PCDH7: variants seen among roughly 807,000 people sequenced by gnomAD.
PCDH7 encodes protocadherin-7.
In PCDH7, 17 loss-of-function variants were observed where a neutral mutation model predicts 58.9. The observed-to-expected ratio is 0.29, with a 90% CI of 0.20 to 0.43. PCDH7 has a LOEUF of 0.43. Ranked by LOEUF, PCDH7 falls within the 20% of genes least tolerant of loss-of-function variation. The pLI, the probability that PCDH7 is intolerant of heterozygous loss-of-function variation, is 1.00. For missense variants in PCDH7, 1,274 were observed against 1,441.0 expected, an observed-to-expected ratio of 0.88 and a Z score of 1.88; for synonymous variants, 664 against 616.4, an observed-to-expected ratio of 1.08 and a Z score of -1.14.
intron 1 of PCDH7, among the ~76,000 whole-genome samples, chr4:30,891,152 A>T (rs12650430): frequency 0.17 from 26,281 of 151,994 alleles, 2,347 homozygotes; most frequent in African/African-American, 0.21. Flanking sequence ...AGCAAGCCCC[A>T]CTTTAGTCAT....
In PCDH7 at chr4:31,077,319, G is replaced by A. The variant is rs1053431845; in HGVS notation, c.*8-65154G>A. 2.0e-5 allele frequency among the ~76,000 whole-genome samples: 3 copies of A among 148,054 alleles called. No individual in the cohort carries two copies. In the East Asian group the frequency reaches 6.0e-4, roughly 30 times the overall value. Reference sequence around the variant, plus strand: ...AACTACTCAGGAGGCTGAGGCAAGAGAATCACTTGAGCCCAGGAGGCAGAG... The same window carrying A: ...AACTACTCAGGAGGCTGAGGCAAGAAAATCACTTGAGCCCAGGAGGCAGAG... On this transcript the variant is annotated intron_variant, in intron 3 of 3. Transcript: ENST00000509759.
chr4:30,971,414 A>G (rs937340820), intron 3 of PCDH7, among the ~76,000 whole-genome samples: 5 of 152,184 alleles, frequency 3.3e-5, no homozygotes, highest in Admixed American at 2.6e-4. Context: ...TTTAGGAAGG[A>G]TTATTTCGCT....
intron 1 of PCDH7, among the ~76,000 whole-genome samples, chr4:30,918,697 A>T (rs1742793026): frequency 6.6e-6 from 1 of 152,108 alleles, no homozygotes; most frequent in Non-Finnish European, 1.5e-5. Context: ...AACTATTCTG[A>T]TTTTGACTTT....
chr4:30,972,656 G>A (rs977135067), intron 3 of PCDH7, among the ~76,000 whole-genome samples: 5 of 152,102 alleles, frequency 3.3e-5, no homozygotes, highest in African/African-American at 1.2e-4. Context: ...CTAAAACTCA[G>A]TTACACTTCA....
intron 1 of PCDH7, among the ~76,000 whole-genome samples, chr4:30,818,910 T>G (rs1728019377): frequency 6.6e-6 from 1 of 152,304 alleles, no homozygotes; most frequent in Non-Finnish European, 1.5e-5. Flanking sequence ...TTCCCTACAC[T>G]TATAGTTCTA....
intron 3 of PCDH7, among the ~76,000 whole-genome samples, chr4:31,132,588 A>G (rs1349620316): frequency 6.6e-6 from 1 of 152,174 alleles, no homozygotes; most frequent in Non-Finnish European, 1.5e-5. Flanking sequence ...TGATAATTTG[A>G]GACCATTAAA....
chr4:30,906,616 G>C (rs781455919), intron 1 of PCDH7, among the ~76,000 whole-genome samples: 1 of 152,152 alleles, frequency 6.6e-6, no homozygotes, highest in Non-Finnish European at 1.5e-5. Flanking sequence ...TATAAATGTT[G>C]AAACAATGAG....
At chr4:30,888,152 G>A (rs1329861270) in intron 1 of PCDH7, among the ~76,000 whole-genome samples, 1 of 152,060 alleles carries the variant, frequency 6.6e-6, no homozygotes, top group African/African-American at 2.4e-5. Context: ...AGGATTACAG[G>A]CGTGAGCCAC....
rs367563427 is a variant in PCDH7, at chr4:30,769,030, T to C, written c.70+44434T>C. Among the ~76,000 whole-genome samples, 5 of 152,208 alleles carry C rather than the reference T, an allele frequency of 3.3e-5. No homozygotes were observed. In the East Asian group the frequency reaches 5.8e-4, roughly 18 times the overall value. ...CACTTCCATACACTATTTAAAATAA[T>C]TGAATCTAGTGAGGAACATGGATCA... On this transcript the variant is annotated intron_variant, in intron 1 of 3. Transcript: ENST00000509759.
chr4:31,071,820 G>A (rs766708016), intron 3 of PCDH7, among the ~76,000 whole-genome samples: 22 of 151,948 alleles, frequency 1.4e-4, no homozygotes, highest in Non-Finnish European at 3.2e-4. Flanking sequence ...AGCTTTTCCT[G>A]CAGTGTTAAG....
At chr4:30,780,478 G>T (rs1722629660) in intron 1 of PCDH7, among the ~76,000 whole-genome samples, 1 of 150,646 alleles carries the variant, frequency 6.6e-6, no homozygotes, top group Admixed American at 6.6e-5. Flanking sequence ...CTGCACTCCA[G>T]CTTGGGTGAC....
chr4:30,891,158 G>A (rs1204671884), intron 1 of PCDH7, among the ~76,000 whole-genome samples: 1 of 151,966 alleles, frequency 6.6e-6, no homozygotes, highest in Non-Finnish European at 1.5e-5. Context: ...CCCCACTTTA[G>A]TCATTAAAAT....
chr4:31,117,533 T>A (rs1717151393), intron 3 of PCDH7, among the ~76,000 whole-genome samples: 1 of 152,094 alleles, frequency 6.6e-6, no homozygotes, highest in African/African-American at 2.4e-5. Flanking sequence ...TATTACAAAA[T>A]GTGCCAAGCA....
Position 30,745,217 on chromosome 4 carries a change from A to G in PCDH7, c.70+20621A>G, listed in dbSNP as rs191623368. Among the ~76,000 whole-genome samples the G allele has an allele frequency of 1.7e-4, 25 of 151,210 alleles. No individual in the cohort carries two copies. In the East Asian group the frequency reaches 4.5e-3, roughly 27 times the overall value. ...AGTCATAAATTATATTTTCCTAAAA[A>G]CAGTCACGTAATCTCATATTTTTAC... On this transcript the variant is annotated intron_variant, in intron 1 of 3. Coordinates refer to the PCDH7 transcript ENST00000509759.
chr4:30,778,777 G>A (rs1722406037), intron 1 of PCDH7, among the ~76,000 whole-genome samples: 1 of 151,970 alleles, frequency 6.6e-6, no homozygotes, highest in Non-Finnish European at 1.5e-5. Context: ...GAGATACTTA[G>A]TCTTTGTTTA....
intron 1 of PCDH7, among the ~76,000 whole-genome samples, chr4:30,814,217 G>GTA (rs1400561000): frequency 6.6e-6 from 1 of 151,752 alleles, no homozygotes; most frequent in African/African-American, 2.4e-5. Context: ...GTGTGTGTGT[G>GTA]TATATATATG....
At chr4:31,020,163 A>G (rs1753914148) in intron 3 of PCDH7, among the ~76,000 whole-genome samples, 1 of 152,230 alleles carries the variant, frequency 6.6e-6, no homozygotes, top group Non-Finnish European at 1.5e-5. Context: ...TTCCATTTCA[A>G]CGTTGTAAAA....
chr4:30,877,693 A>T (rs1008601844), intron 1 of PCDH7, among the ~76,000 whole-genome samples: 5 of 152,102 alleles, frequency 3.3e-5, no homozygotes, highest in Non-Finnish European at 7.4e-5. Flanking sequence ...CTAAAATTTC[A>T]TTCTTATTTT....
intron 1 of PCDH7, among the ~76,000 whole-genome samples, chr4:30,917,516 TGA>T (rs1413967850): frequency 2.6e-5 from 4 of 152,060 alleles, no homozygotes; most frequent in Non-Finnish European, 5.9e-5. Flanking sequence ...ATATTTATTG[TGA>T]GTTATGTTTT....
Sources: allele counts gnomAD v4.1 joint callset (sites outside exome capture counted in the v4.1 genomes callset), GRCh38; gene constraint gnomAD v4.1.1; transcripts MANE v1.5; gene names NCBI Gene and HGNC (gene_info 2026-07-23, HGNC 2026-07-21).